The following CTNNA2 variants were observed in gnomAD, a reference collection of about 807,000 sequenced individuals.
CTNNA2 encodes catenin alpha 2.
CTNNA2 carries 42 observed loss-of-function variants against 101.0 expected under a neutral mutation model. The ratio of observed to expected loss-of-function variants is 0.42; its 90% CI spans 0.32 to 0.54. CTNNA2 has a LOEUF of 0.54. Ranked by LOEUF, CTNNA2 falls within the 20% of genes least tolerant of loss-of-function variation. CTNNA2 has a pLI of 0.14. For missense variants in CTNNA2, 871 were observed against 1,223.1 expected (o/e 0.71, Z 4.29); for synonymous variants, 450 against 456.4 (o/e 0.99, Z 0.18).
intron 4 of CTNNA2, among the ~76,000 whole-genome samples, chr2:79,394,067 G>T (rs962534947): frequency 6.6e-6 from 1 of 152,098 alleles, no homozygotes; most frequent in Non-Finnish European, 1.5e-5. Context: ...CATGATTAAC[G>T]TGGGGGATGA....
chr2:79,845,190 T>G (rs1300591716), intron 3 of CTNNA2, among the ~76,000 whole-genome samples: 2 of 126,278 alleles, frequency 1.6e-5, no homozygotes, highest in Non-Finnish European at 3.5e-5. Flanking sequence ...TTTTTTTTTT[T>G]TTGAATTTCT....
chr2:79,472,815 C>T (rs1217602566), intron 4 of CTNNA2, among the ~76,000 whole-genome samples: 2 of 152,162 alleles, frequency 1.3e-5, no homozygotes, highest in African/African-American at 2.4e-5. Context: ...CTTTTCTCTT[C>T]TCTCATTTTA....
At chr2:80,194,183 C>T (rs1312796798) in intron 7 of CTNNA2, among the ~76,000 whole-genome samples, 1 of 152,140 alleles carries the variant, frequency 6.6e-6, no homozygotes, top group Non-Finnish European at 1.5e-5. Context: ...GTATTTACTA[C>T]TGTTAAGACA....
At chr2:79,911,285 T>C (rs1031936928) in intron 7 of CTNNA2, among the ~76,000 whole-genome samples, 3 of 152,218 alleles carry the variant, frequency 2.0e-5, no homozygotes, top group Admixed American at 2.0e-4. Context: ...GCTAATTACA[T>C]GGATGTGGAA....
At chr2:80,304,188 C>T (rs558556616) in intron 7 of CTNNA2, 3 of 184,032 alleles carry the variant, frequency 1.6e-5, no homozygotes, top group East Asian at 1.4e-4. Context: ...TTCAGCTGCT[C>T]CCTTTGTGTG....
chr2:80,344,047 A>ATT (rs1559027465), intron 7 of CTNNA2, among the ~76,000 whole-genome samples: 1 of 152,000 alleles, frequency 6.6e-6, no homozygotes, highest in African/African-American at 2.4e-5. Context: ...TAGCACCTGC[A>ATT]CTCTGCCCCA....
chr2:80,206,288 C>G (rs151118920), intron 7 of CTNNA2, among the ~76,000 whole-genome samples: 1 of 152,316 alleles, frequency 6.6e-6, no homozygotes, highest in Non-Finnish European at 1.5e-5. Context: ...GTAAACATCA[C>G]TATCATGTAG....
At chr2:80,156,477 T>C (rs1704003653) in intron 7 of CTNNA2, among the ~76,000 whole-genome samples, 1 of 152,248 alleles carries the variant, frequency 6.6e-6, no homozygotes, top group African/African-American at 2.4e-5. Flanking sequence ...ACTTTCCTTA[T>C]AGCTGGTAAT....
intron 14 of CTNNA2, among the ~76,000 whole-genome samples, chr2:80,588,561 A>C (rs555833194): frequency 6.6e-6 from 1 of 152,222 alleles, no homozygotes; most frequent in Non-Finnish European, 1.5e-5. Context: ...ATCCATGAAT[A>C]AGAAGACTGC....
At chr2:80,485,256 A>G (rs1328678115) in intron 9 of CTNNA2, among the ~76,000 whole-genome samples, 5 of 152,198 alleles carry the variant, frequency 3.3e-5, no homozygotes, top group Non-Finnish European at 7.3e-5. Context: ...AAGTTAAGTG[A>G]CATCATTCAT....
At chr2:79,902,813 G>A (rs1685152581) in intron 6 of CTNNA2, among the ~76,000 whole-genome samples, 1 of 151,932 alleles carries the variant, frequency 6.6e-6, no homozygotes, top group Non-Finnish European at 1.5e-5. Flanking sequence ...TTTTAGTAGA[G>A]GCGGGGTTTC....
chr2:79,966,370 G>A (rs552988503), intron 7 of CTNNA2, among the ~76,000 whole-genome samples: 2 of 152,084 alleles, frequency 1.3e-5, no homozygotes, highest in South Asian at 4.2e-4. Flanking sequence ...CAAGTAGCTG[G>A]GACCACAGGC....
chr2:80,601,029 AC>A (rs1405972830), intron 15 of CTNNA2, among the ~76,000 whole-genome samples: 1 of 152,164 alleles, frequency 6.6e-6, no homozygotes, highest in African/African-American at 2.4e-5. Flanking sequence ...AAAGCCCTGA[AC>A]TTTGTAGCAT....
intron 9 of CTNNA2, among the ~76,000 whole-genome samples, chr2:80,484,172 T>A (rs1294756665): frequency 6.6e-6 from 1 of 152,170 alleles, no homozygotes; most frequent in Non-Finnish European, 1.5e-5. Flanking sequence ...TTAATTTTTT[T>A]AATTTAAAGT....
chr2:79,519,787 T>G (rs138860613), intron 1 of CTNNA2, among the ~76,000 whole-genome samples: 57 of 152,184 alleles, frequency 3.7e-4, no homozygotes, highest in South Asian at 2.1e-4. Context: ...CTGTCTTTTC[T>G]TATCTCTCCA....
At chr2:79,261,573 G>C (rs2104287185) in intron 2 of CTNNA2, among the ~76,000 whole-genome samples, 1 of 152,296 alleles carries the variant, frequency 6.6e-6, no homozygotes, top group East Asian at 1.9e-4. Flanking sequence ...TCCTCACCTT[G>C]CAGACAGCAC....
intron 7 of CTNNA2, among the ~76,000 whole-genome samples, chr2:80,289,977 A>T (rs1158926758): frequency 1.3e-5 from 2 of 152,146 alleles, no homozygotes; most frequent in African/African-American, 4.8e-5. Context: ...ACTGTGTGTG[A>T]GGGGCCAACC....
At chr2:79,925,457 G>C (rs2104397168) in intron 7 of CTNNA2, among the ~76,000 whole-genome samples, 1 of 152,146 alleles carries the variant, frequency 6.6e-6, no homozygotes, top group South Asian at 2.1e-4. Flanking sequence ...CTAATGTATT[G>C]TGATTATTAG....
At chr2:79,219,848 G>T (rs1190976101) in intron 2 of CTNNA2, among the ~76,000 whole-genome samples, 1 of 152,146 alleles carries the variant, frequency 6.6e-6, no homozygotes, top group Non-Finnish European at 1.5e-5. Flanking sequence ...CATCCTTTTG[G>T]TGACCCTTTC....
Sources: gnomAD v4.1 joint callset for allele counts (sites outside exome capture counted in the v4.1 genomes callset) on GRCh38, gnomAD v4.1.1 for gene constraint, MANE v1.5 for transcripts, NCBI Gene and HGNC (gene_info 2026-07-23, HGNC 2026-07-21) for gene names.